Variants in SMG6 observed in about 807,000 individuals in gnomAD.
SMG6 encodes the protein telomerase-binding protein EST1A.
Under a neutral mutation model 142.2 loss-of-function variants are expected in SMG6, and 66 were observed. The observed-to-expected ratio is 0.46, with a 90% CI of 0.38 to 0.57. The LOEUF (loss-of-function observed/expected upper bound fraction) is 0.57. SMG6 is among the 20% of genes least tolerant of loss of function. The pLI, the probability that SMG6 is intolerant of heterozygous loss-of-function variation, is 0.00. For synonymous variants in SMG6, 779 were observed against 702.4 expected (o/e 1.11, Z -1.72); for missense variants, 1,793 against 1,832.0 (o/e 0.98, Z 0.39).
chr17:2,067,649 T>TG (rs769102514), intron 16 of SMG6, among the ~76,000 whole-genome samples: 49 of 152,190 alleles, frequency 3.2e-4, no homozygotes, highest in South Asian at 4.2e-4. Context: ...TAAGAGGTTC[T>TG]GGCCAGGCCA....
At chr17:2,190,792 C>T (rs1025189059) in intron 10 of SMG6, among the ~76,000 whole-genome samples, 6 of 152,204 alleles carry the variant, frequency 3.9e-5, no homozygotes, top group East Asian at 1.9e-4. Flanking sequence ...CTCAACTCCC[C>T]ATCCCCTAAC....
chr17:2,130,260 C>T (rs1041590188), intron 13 of SMG6, among the ~76,000 whole-genome samples: 3 of 18,212 alleles, frequency 1.6e-4, no homozygotes, highest in Non-Finnish European at 3.2e-4. Context: ...GAGCGAGACT[C>T]CGTCTCAAAA....
At chr17:2,204,166 G>A (rs973114768) in intron 10 of SMG6, among the ~76,000 whole-genome samples, 6 of 152,008 alleles carry the variant, frequency 3.9e-5, no homozygotes, top group African/African-American at 9.7e-5. Context: ...TGTAAACAAC[G>A]CCAAAAATAA....
At chr17:2,232,631 G>C (rs915086732) in intron 10 of SMG6, 4 of 152,178 alleles carry the variant, frequency 2.6e-5, no homozygotes, top group Non-Finnish European at 5.9e-5. Flanking sequence ...TGAGTGTGCA[G>C]TATGAGGATT....
At chr17:2,158,603 A>C (rs1272863515) in intron 13 of SMG6, among the ~76,000 whole-genome samples, 1 of 152,210 alleles carries the variant, frequency 6.6e-6, no homozygotes, top group Non-Finnish European at 1.5e-5. Flanking sequence ...TAAAAGTGGA[A>C]GTCCCTACTG....
intron 13 of SMG6, among the ~76,000 whole-genome samples, chr17:2,143,325 C>T (rs1185883480): frequency 6.6e-6 from 1 of 152,012 alleles, no homozygotes; most frequent in Admixed American, 6.6e-5. Context: ...ATGCAAACAA[C>T]CTAAATGTTT....
chr17:2,233,358 C>T (rs2073554264), intron 10 of SMG6: 1 of 152,388 alleles, frequency 6.6e-6, no homozygotes, highest in Non-Finnish European at 1.5e-5. Context: ...AAAATGATGG[C>T]CCAGATGTTC....
intron 9 of SMG6, among the ~76,000 whole-genome samples, chr17:2,244,387 G>A (rs370425736): frequency 6.6e-6 from 1 of 152,334 alleles, no homozygotes; most frequent in East Asian, 1.9e-4. Flanking sequence ...GAAACCCAGA[G>A]GGACTGGGGT....
At chr17:2,228,464 T>C (rs143517183) in intron 10 of SMG6, among the ~76,000 whole-genome samples, 2,090 of 152,004 alleles carry the variant, frequency 0.014, 60 homozygotes, top group African/African-American at 0.048. Context: ...CCTGACCTCA[T>C]GATCCACCCG....
chr17:2,255,248 CAAA>C (rs1366886459), intron 8 of SMG6, among the ~76,000 whole-genome samples: 3 of 150,464 alleles, frequency 2.0e-5, no homozygotes, highest in African/African-American at 7.3e-5. Flanking sequence ...ACTAAAAATA[CAAA>C]AAATTAGCCG....
At chr17:2,128,817 CAAAA>C (rs367580981) in intron 13 of SMG6, among the ~76,000 whole-genome samples, 1 of 73,074 alleles carries the variant, frequency 1.4e-5, no homozygotes. Flanking sequence ...GAGCAAGACT[CAAAA>C]AAAAAAAAAA....
intron 12 of SMG6, among the ~76,000 whole-genome samples, chr17:2,178,476 A>G (rs975542039): frequency 1.3e-4 from 20 of 152,186 alleles, no homozygotes; most frequent in African/African-American, 4.8e-4. Flanking sequence ...TACTCACCCT[A>G]AATCAATTTT....
chr17:2,181,973 C>T (rs534807627), intron 12 of SMG6, among the ~76,000 whole-genome samples: 92 of 152,202 alleles, frequency 6.0e-4, no homozygotes, highest in African/African-American at 2.0e-3. Flanking sequence ...ACCTGTGGCC[C>T]GGGATATGGG....
At chr17:2,111,449 T>G (rs1245590332) in intron 13 of SMG6, among the ~76,000 whole-genome samples, 2 of 152,192 alleles carry the variant, frequency 1.3e-5, no homozygotes, top group Non-Finnish European at 2.9e-5. Context: ...GATCTCGCTG[T>G]TGCCCAGGCT....
chr17:2,236,797 C>T (rs2073674181), intron 9 of SMG6, 160 bp from the exon 10 acceptor site: 1 of 1,317,350 alleles, frequency 7.6e-7, no homozygotes, highest in Non-Finnish European at 9.7e-7. Flanking sequence ...TTTCACAAAC[C>T]TTCCCGGTAT....
chr17:2,087,614 T>A, intron 13 of SMG6: 1 of 997,092 alleles, frequency 1.0e-6, no homozygotes, highest in Non-Finnish European at 1.2e-6. Flanking sequence ...GGTCCTGGGC[T>A]TGCCTCCGTG....
At chr17:2,280,670 C>G in intron 8 of SMG6, 1 of 776,136 alleles carries the variant, frequency 1.3e-6, no homozygotes, top group African/African-American at 1.9e-5. Flanking sequence ...GGATGATGTA[C>G]AAACTAAAAA....
At chr17:2,065,282 G>A (rs1265920050) in intron 17 of SMG6, 128 bp from the exon 18 acceptor site, 7 of 972,612 alleles carry the variant, frequency 7.2e-6, no homozygotes, top group Non-Finnish European at 1.1e-5. Flanking sequence ...TGCATGCGCT[G>A]GCCCTGCCTG....
chr17:2,292,673 G>T (rs770430777), intron 5 of SMG6, 43 bp from the exon 6 acceptor site: 1 of 1,605,914 alleles, frequency 6.2e-7, no homozygotes, highest in Non-Finnish European at 8.5e-7. Flanking sequence ...TTCCAGATTA[G>T]CTTTTTCCCA....
Sources: allele counts gnomAD v4.1 joint callset (sites outside exome capture counted in the v4.1 genomes callset), GRCh38; gene constraint gnomAD v4.1.1; transcripts MANE v1.5; gene names NCBI Gene and HGNC (gene_info 2026-07-23, HGNC 2026-07-21).